Variants in MEGF11 observed in about 807,000 individuals in gnomAD.
MEGF11 encodes the protein multiple EGF like domains 11.
In MEGF11, 126 loss-of-function variants were observed where a neutral mutation model predicts 146.6. The ratio of observed to expected loss-of-function variants is 0.86; its 90% CI spans 0.74 to 1.00. The LOEUF is 1.00. Ranked by LOEUF, MEGF11 falls within the 50% of genes least tolerant of loss-of-function variation. MEGF11 has a pLI of 0.00. For missense variants in MEGF11, 1,509 were observed against 1,521.2 expected (o/e 0.99, Z 0.13); for synonymous variants, 532 against 583.4 (o/e 0.91, Z 1.27).
chr15:66,167,633 G>A (rs1436931609), intron 1 of MEGF11, among the ~76,000 whole-genome samples: 5 of 150,792 alleles, frequency 3.3e-5, no homozygotes, highest in African/African-American at 9.7e-5. Flanking sequence ...CAATGAGAGC[G>A]AAATTCCGTC....
chr15:66,068,855 T>C (rs913580695), intron 5 of MEGF11, among the ~76,000 whole-genome samples: 1 of 152,204 alleles, frequency 6.6e-6, no homozygotes, highest in African/African-American at 2.4e-5. Context: ...ACAAACTCTG[T>C]GGTAATGAGG....
chr15:66,063,578 G>C (rs1178635010), intron 5 of MEGF11, among the ~76,000 whole-genome samples: 1 of 152,170 alleles, frequency 6.6e-6, no homozygotes, highest in Non-Finnish European at 1.5e-5. Context: ...CTGAGTGTGT[G>C]CACGGCCTCT....
At chr15:66,180,123 T>G (rs2090507277) in intron 1 of MEGF11, among the ~76,000 whole-genome samples, 1 of 152,110 alleles carries the variant, frequency 6.6e-6, no homozygotes, top group African/African-American at 2.4e-5. Context: ...CAACTCCAAA[T>G]AGCCTGTGAC....
chr15:66,112,046 C>G (rs114011759), intron 4 of MEGF11, among the ~76,000 whole-genome samples: 6 of 143,820 alleles, frequency 4.2e-5, no homozygotes, highest in African/African-American at 1.6e-4. Flanking sequence ...CAATTTGGGG[C>G]ATAAGGGAGG....
intron 5 of MEGF11, among the ~76,000 whole-genome samples, chr15:66,039,543 C>T (rs1232622124): frequency 2.0e-5 from 3 of 152,322 alleles, no homozygotes; most frequent in African/African-American, 4.8e-5. Flanking sequence ...GACAGAGAAA[C>T]AGACACAGTG....
At chr15:66,135,534 CCTCCCTGCAGGAAGAGGCCT>C (rs1230111575) in intron 1 of MEGF11, among the ~76,000 whole-genome samples, 3 of 152,150 alleles carry the variant, frequency 2.0e-5, no homozygotes, top group Admixed American at 1.3e-4. Context: ...CACCGAGGCC[CCTCCCTGCAGGAAGAGGCCT>C]CTCCCTGCAG....
chr15:66,155,704 CA>C (rs2141055059), intron 1 of MEGF11, among the ~76,000 whole-genome samples: 1 of 152,302 alleles, frequency 6.6e-6, no homozygotes, highest in South Asian at 2.1e-4. Flanking sequence ...TGACTTGGGC[CA>C]AGAAACTTAG....
At chr15:66,042,892 C>A (rs1485018182) in intron 5 of MEGF11, among the ~76,000 whole-genome samples, 2 of 152,080 alleles carry the variant, frequency 1.3e-5, no homozygotes, top group African/African-American at 4.8e-5. Flanking sequence ...TCTGCAATGA[C>A]CCTACTTCCA....
At chr15:66,240,129 T>C (rs1435652997) in intron 1 of MEGF11, among the ~76,000 whole-genome samples, 3 of 152,146 alleles carry the variant, frequency 2.0e-5, no homozygotes, top group Non-Finnish European at 4.4e-5. Flanking sequence ...CACAAAGACT[T>C]CGCTCAAGCT....
intron 1 of MEGF11, among the ~76,000 whole-genome samples, chr15:66,168,073 C>T (rs1046254775): frequency 3.9e-5 from 6 of 152,068 alleles, no homozygotes; most frequent in African/African-American, 1.2e-4. Flanking sequence ...TGCTTATACG[C>T]GATTCCTCCT....
chr15:65,920,265 T>C (rs2079133323), intron 15 of MEGF11, among the ~76,000 whole-genome samples: 1 of 152,212 alleles, frequency 6.6e-6, no homozygotes, highest in Admixed American at 6.5e-5. Flanking sequence ...ATGCTTCCCC[T>C]GGCAGAAACC....
chr15:65,906,120 C>A lies in MEGF11; in HGVS notation c.3020G>T (p.Arg1007Leu), dbSNP rs199638787. The change falls in exon 24 of 26, where the codon CGT becomes CTT. Residue 1007 changes from arginine (R) to leucine (L), a missense_variant. By Grantham distance (102) the Arg-to-Leu change is moderately radical (BLOSUM62 -2). Coordinates refer to ENST00000395614, the MANE Select transcript of MEGF11 (RefSeq NM_001385028.1). ...TTTGTCCATAATGTATGTGTTCTGA[C>A]GTCTATCCATTCCACAAGCACCTGT... is the stretch of plus-strand genomic sequence containing the variant. ...HSPGACGMDR[R>L]QNTYIMDKGF... The A allele has an allele frequency of 1.9e-6, 3 of 1,610,630 alleles. No homozygotes were observed. The highest frequency in any genetic ancestry group is 2.5e-6 in the Non-Finnish European group (3 of 1,178,354).
intron 24 of MEGF11, among the ~76,000 whole-genome samples, chr15:65,905,108 G>T (rs1053212627): frequency 6.6e-6 from 1 of 152,192 alleles, no homozygotes; most frequent in African/African-American, 2.4e-5. Flanking sequence ...GGCCAGGCTG[G>T]TCTTGAACTC....
In MEGF11 at chr15:65,965,619, T is replaced by TCTTTCTTTCTTTCTTTCTTTTC. The variant is rs2081059626; in HGVS notation, c.900-500_900-499insGAAAAGAAAGAAAGAAAGAAAG. ...TTCTTTCTTTTTTTTTTTTCTTTTT[T>TCTTTCTTTCTTTCTTTCTTTTC]TTTTTTTTGGCTCTTCTATTCTTTT... is the stretch of plus-strand genomic sequence containing the variant. On this transcript the variant is annotated intron_variant, in intron 8 of 25. Transcript: ENST00000395614. 1.1e-3 allele frequency among the ~76,000 whole-genome samples: 137 copies of TCTTTCTTTCTTTCTTTCTTTTC among 119,836 alleles called. 3 individuals are homozygous for TCTTTCTTTCTTTCTTTCTTTTC. The highest frequency in any genetic ancestry group is 1.9e-3 in the Non-Finnish European group (98 of 52,550). 78.6% of individuals were successfully genotyped at this position (119,836 alleles called of 152,430 possible).
chr15:65,923,962 T>G (rs2079270775), intron 13 of MEGF11, among the ~76,000 whole-genome samples: 1 of 152,156 alleles, frequency 6.6e-6, no homozygotes, highest in Admixed American at 6.5e-5. Flanking sequence ...GGAGATTGGC[T>G]TGGCTTCAGC....
In MEGF11 at chr15:66,174,150, A is replaced by G. The variant is rs374485814; in HGVS notation, c.-8-45739T>C. Among the ~76,000 whole-genome samples, 65 of 152,350 alleles carry G rather than the reference A, an allele frequency of 4.3e-4. No homozygotes were observed. The East Asian group carries it at 0.012, about 29-fold the overall frequency. On this transcript the variant is annotated intron_variant, in intron 1 of 25. Coordinates refer to ENST00000395614, the MANE Select transcript of MEGF11 (RefSeq NM_001385028.1). ...AGAACCCACGAAAACTGCCAAGTCC[A>G]TATATACCTGGCCCAAGCCTAAAAG...
At chr15:66,023,678 G>A (rs772353018) in intron 5 of MEGF11, among the ~76,000 whole-genome samples, 4 of 152,200 alleles carry the variant, frequency 2.6e-5, no homozygotes, top group Non-Finnish European at 5.9e-5. Context: ...GTGCCCATGA[G>A]TGTGTGCAGA....
chr15:65,905,682 G>A (rs2078605469), intron 24 of MEGF11: 1 of 160,476 alleles, frequency 6.2e-6, no homozygotes, highest in Non-Finnish European at 1.4e-5. Context: ...CCCCCAGAAA[G>A]CCAGCAGGTG....
At chr15:66,034,210 A>T (rs564205697) in intron 5 of MEGF11, among the ~76,000 whole-genome samples, 62 of 152,334 alleles carry the variant, frequency 4.1e-4, no homozygotes, top group African/African-American at 1.5e-3. Context: ...ACAATCTCAC[A>T]GCTGGAGGGA....
Sources: allele counts gnomAD v4.1 joint callset (sites outside exome capture counted in the v4.1 genomes callset), GRCh38; gene constraint gnomAD v4.1.1; transcripts MANE v1.5; gene names NCBI Gene and HGNC (gene_info 2026-07-23, HGNC 2026-07-21).